LARGE1: variants seen among roughly 807,000 people sequenced by gnomAD.
LARGE1 encodes the protein xylosyl- and glucuronyltransferase LARGE1.
LARGE1 carries 43 observed loss-of-function variants against 87.6 expected under a neutral mutation model. That is an observed-to-expected ratio of 0.49 (90% CI 0.38 to 0.63). The LOEUF (loss-of-function observed/expected upper bound fraction) is 0.63, where lower values mean the gene tolerates loss of function less well. Ranked by LOEUF, LARGE1 falls within the 30% of genes least tolerant of loss-of-function variation. The pLI is 0.00. For missense variants in LARGE1, 802 were observed against 1,000.2 expected (o/e 0.80, Z 2.67); for synonymous variants, 434 against 394.6 (o/e 1.10, Z -1.18).
chr22:33,725,796 C>T (rs1601431294), intron 2 of LARGE1: 1 of 152,212 alleles, frequency 6.6e-6, no homozygotes, highest in African/African-American at 2.4e-5. Context: ...AATTAAATAA[C>T]TGCAGAATAG....
At position 33,439,385 on chromosome 22, in the gene LARGE1, C is replaced by T. The variant is rs558915168; in HGVS notation, c.788-7120G>A. On this transcript the variant is annotated intron_variant, in intron 6 of 14. Transcript: ENST00000397394. ...GACTGGACTCTGCAAAATTTGGCTACATTACCCCTCACCCCATCCCTGCTG... is the reference window on the plus strand; with the variant it reads ...GACTGGACTCTGCAAAATTTGGCTATATTACCCCTCACCCCATCCCTGCTG... Among the ~76,000 whole-genome samples the T allele has an allele frequency of 6.6e-5, 10 of 152,170 alleles. No individual in the cohort carries two copies. The South Asian group carries it at 2.1e-3, about 32-fold the overall frequency.
At chr22:33,263,180 A>T (rs1161155531) in intron 11 of LARGE1, among the ~76,000 whole-genome samples, 1 of 152,132 alleles carries the variant, frequency 6.6e-6, no homozygotes, top group Non-Finnish European at 1.5e-5. Context: ...GACATGAGCC[A>T]CTGTGCCCGG....
chr22:33,303,124 A>C (rs374738974), intron 12 of LARGE1, among the ~76,000 whole-genome samples: 4 of 152,334 alleles, frequency 2.6e-5, no homozygotes, highest in African/African-American at 9.6e-5. Context: ...GGCTCCTATC[A>C]ATCCGAATTG....
intron 9 of LARGE1, among the ~76,000 whole-genome samples, chr22:33,367,690 T>C (rs1364460055): frequency 6.6e-6 from 1 of 152,172 alleles, no homozygotes; most frequent in Non-Finnish European, 1.5e-5. Flanking sequence ...GCCTCCCAAG[T>C]TGCTGGGATT....
downstream of LARGE1, among the ~76,000 whole-genome samples, chr22:33,272,300 T>C (rs1306542236): frequency 6.6e-6 from 1 of 152,230 alleles, no homozygotes; most frequent in Admixed American, 6.5e-5. Flanking sequence ...TGCCTCTGTA[T>C]CTGTGTATCT....
At chr22:33,201,451 G>GA (rs1924388500) in intron 11 of LARGE1, among the ~76,000 whole-genome samples, 1 of 25,674 alleles carries the variant, frequency 3.9e-5, no homozygotes, top group Admixed American at 3.1e-4. Context: ...AAGGAAGGGA[G>GA]GAGAAAAGAA....
intron 6 of LARGE1, among the ~76,000 whole-genome samples, chr22:33,484,907 G>A (rs540761295): frequency 6.7e-6 from 1 of 149,666 alleles, no homozygotes; most frequent in Admixed American, 6.6e-5. Context: ...TAAATAATGA[G>A]GTGGTTTTTT....
intron 3 of LARGE1, among the ~76,000 whole-genome samples, chr22:33,634,814 G>A (rs2080219986): frequency 6.6e-6 from 1 of 151,220 alleles, no homozygotes; most frequent in Non-Finnish European, 1.5e-5. Context: ...GTCCAAGAAG[G>A]ATGTGTGTTT....
chr22:33,497,374 CCTG>C (rs2070191119), intron 6 of LARGE1, among the ~76,000 whole-genome samples: 1 of 152,184 alleles, frequency 6.6e-6, no homozygotes, highest in Non-Finnish European at 1.5e-5. Context: ...ACAAACCCAG[CCTG>C]CTATTTTCTT....
intron 2 of LARGE1, among the ~76,000 whole-genome samples, chr22:33,665,072 C>T (rs949337822): frequency 6.6e-6 from 1 of 152,210 alleles, no homozygotes; most frequent in African/African-American, 2.4e-5. Context: ...AGGGCTTCTA[C>T]ACTTGCTGTT....
intron 7 of LARGE1, among the ~76,000 whole-genome samples, chr22:33,394,993 A>G (rs934179830): frequency 3.1e-4 from 47 of 152,008 alleles, no homozygotes; most frequent in African/African-American, 1.1e-3. Flanking sequence ...TTGGGAGGCC[A>G]AGGCTGGCAG....
intron 6 of LARGE1, among the ~76,000 whole-genome samples, chr22:33,549,498 C>T (rs976644264): frequency 6.6e-6 from 1 of 152,132 alleles, no homozygotes; most frequent in African/African-American, 2.4e-5. Context: ...TTAATTCGAT[C>T]ACACTTTCTC....
In LARGE1 at chr22:33,497,978, G is replaced by A. The variant is rs7286411; in HGVS notation, c.788-65713C>T. Among the ~76,000 whole-genome samples the A allele has an allele frequency of 4.8e-3, 728 of 152,198 alleles. 6 individuals are homozygous for A. The highest frequency in any genetic ancestry group is 0.017 in the African/African-American group (695 of 41,524). ...GCTCACTGCAACCTCCGCCTCCTAC[G>A]TTCAAGCGATTCTCGTGCCTCAGCC... On this transcript the variant is annotated intron_variant, in intron 6 of 14. Coordinates refer to ENST00000397394, the MANE Select transcript of LARGE1 (RefSeq NM_133642.5).
rs1931406273 is a variant in LARGE1 at position 33,285,722 on chromosome 22, G to A, written c.1731-2374C>T. ...GACGTTGAGCCTGTGCATTAGCAGG[G>A]ACTAGAGCTGGCGTGCAAAGAGGAA... On this transcript the variant is annotated intron_variant, in intron 12 of 14. Coordinates refer to ENST00000397394, the MANE Select transcript of LARGE1 (RefSeq NM_133642.5). 2.0e-5 allele frequency among the ~76,000 whole-genome samples: 3 copies of A among 152,232 alleles called. No individual in the cohort carries two copies. In the South Asian group the frequency reaches 6.2e-4, roughly 32 times the overall value.
the LARGE1 span, among the ~76,000 whole-genome samples, chr22:33,073,710 C>G: frequency 4.1e-4 from 63 of 152,262 alleles, no homozygotes; most frequent in African/African-American, 1.5e-3. Flanking sequence ...CAAAACCCTA[C>G]AAATTGGGAT....
intron 6 of LARGE1, among the ~76,000 whole-genome samples, chr22:33,552,024 G>C (rs910032848): frequency 6.9e-6 from 1 of 145,548 alleles, no homozygotes; most frequent in Non-Finnish European, 1.5e-5. Context: ...AAGTGATCTA[G>C]CTAAAAAATT....
intron 1 of LARGE1, among the ~76,000 whole-genome samples, chr22:33,888,607 G>C (rs958962008): frequency 7.2e-5 from 11 of 152,178 alleles, no homozygotes; most frequent in Non-Finnish European, 1.6e-4. Context: ...TGTAATCCCA[G>C]CACTTTGGGA....
At chr22:33,426,114 C>G (rs2066868776) in intron 7 of LARGE1, among the ~76,000 whole-genome samples, 1 of 152,102 alleles carries the variant, frequency 6.6e-6, no homozygotes, top group African/African-American at 2.4e-5. Flanking sequence ...CTAGAAAACG[C>G]TAGTCTAGGG....
intron 2 of LARGE1, among the ~76,000 whole-genome samples, chr22:33,760,663 T>G (rs2084694805): frequency 6.6e-6 from 1 of 152,206 alleles, no homozygotes; most frequent in Non-Finnish European, 1.5e-5. Flanking sequence ...GGCTCACACT[T>G]GTAATCCCAG....
Sources: allele counts gnomAD v4.1 joint callset (sites outside exome capture counted in the v4.1 genomes callset), GRCh38; gene constraint gnomAD v4.1.1; transcripts MANE v1.5; gene names NCBI Gene and HGNC (gene_info 2026-07-23, HGNC 2026-07-21).